The following RAB3B variants were observed in gnomAD, a reference collection of about 807,000 sequenced individuals.
The protein encoded by RAB3B is ras-related protein Rab-3B.
Under a neutral mutation model 20.5 loss-of-function variants are expected in RAB3B, and 11 were observed. That is an observed-to-expected ratio of 0.54 (90% CI 0.34 to 0.89). The LOEUF is 0.89. RAB3B is among the 40% of genes least tolerant of loss of function. RAB3B has a pLI of 0.02. For missense variants in RAB3B, 225 were observed against 280.9 expected, an observed-to-expected ratio of 0.80 and a Z score of 1.42; for synonymous variants, 99 against 106.3, an observed-to-expected ratio of 0.93 and a Z score of 0.42.
At chr1:51,985,407 C>G (rs1685139187) in intron 1 of RAB3B, among the ~76,000 whole-genome samples, 1 of 152,158 alleles carries the variant, frequency 6.6e-6, no homozygotes, top group Non-Finnish European at 1.5e-5. Context: ...GAGCATTTTT[C>G]AAGTGCCAGA....
chr1:51,968,427 G>C (rs540875115), intron 2 of RAB3B, among the ~76,000 whole-genome samples: 4 of 152,260 alleles, frequency 2.6e-5, no homozygotes, highest in Admixed American at 6.5e-5. Context: ...CCCCTAATCA[G>C]AACAAGAGAG....
rs1179144233 is a variant in RAB3B at position 51,909,131 on chromosome 1, G to C, written c.*10796C>G. On this transcript the variant is annotated 3_prime_UTR_variant, in exon 5 of 5. Transcript: ENST00000371655. ...TTCTCTGAAGCCAACCAAACCTCTA[G>C]GTGTAAGGCATGCTGGCCCTGGTAT... 6.6e-6 allele frequency: 1 copy of C among 152,108 alleles called. No individual in the cohort carries two copies. Among genetic ancestry groups the C allele is most frequent in the Non-Finnish European group, 1.5e-5 (1 of 68,036 alleles). The allele number at this position is 152,108 out of a possible 1,614,324, so 9.4% of individuals were successfully genotyped here. A position where few individuals can be genotyped will look rare whatever the true frequency, so the allele number is the denominator to read the frequency against.
At chr1:51,943,426 C>CAA (rs1684522448) in intron 2 of RAB3B, among the ~76,000 whole-genome samples, 130 of 75,114 alleles carry the variant, frequency 1.7e-3, no homozygotes, top group African/African-American at 4.9e-3. Flanking sequence ...AACAACAACA[C>CAA]CACAATGGCC....
At chr1:51,940,300 T>G (rs12022580) in intron 2 of RAB3B, among the ~76,000 whole-genome samples, 1 of 152,132 alleles carries the variant, frequency 6.6e-6, no homozygotes, top group Admixed American at 6.5e-5. Context: ...TGAGGTAATA[T>G]GTCATCAGCA....
rs1683975242 is a variant in RAB3B at position 51,910,025 on chromosome 1, T to C, written c.*9902A>G. 6.6e-6 allele frequency: 1 copy of C among 152,150 alleles called. No individual in the cohort carries two copies. Among genetic ancestry groups the C allele is most frequent in the South Asian group, 2.1e-4 (1 of 4,832 alleles). 9.4% of individuals were successfully genotyped at this position (152,150 alleles called of 1,614,324 possible). A position where few individuals can be genotyped will look rare whatever the true frequency, so the allele number is the denominator to read the frequency against. ...AGCCTTGTGAAGTAGATAGTATTACTTCATTTACATATGAAGTAACTGAGG... is the reference window on the plus strand; with the variant it reads ...AGCCTTGTGAAGTAGATAGTATTACCTCATTTACATATGAAGTAACTGAGG... On this transcript the variant is annotated 3_prime_UTR_variant, in exon 5 of 5. Coordinates refer to ENST00000371655, the MANE Select transcript of RAB3B (RefSeq NM_002867.4).
Position 51,918,004 on chromosome 1 carries a change from G to A in RAB3B, c.*1923C>T, listed in dbSNP as rs1221315567. 1 of 152,188 alleles carries A rather than the reference G, an allele frequency of 6.6e-6. No homozygotes were observed. Among genetic ancestry groups the A allele is most frequent in the Non-Finnish European group, 1.5e-5 (1 of 68,040 alleles). The allele number at this position is 152,188 out of a possible 1,614,324, so 9.4% of individuals were successfully genotyped here. ...ATTCAGGCCATGATAGAGAAGAAAG[G>A]TTTTCTGGAATCACTGCCAGTTCCA... On this transcript the variant is annotated 3_prime_UTR_variant, in exon 5 of 5. Coordinates refer to ENST00000371655, the MANE Select transcript of RAB3B (RefSeq NM_002867.4).
At chr1:51,957,635 A>G (rs1684725079) in intron 2 of RAB3B, among the ~76,000 whole-genome samples, 1 of 152,188 alleles carries the variant, frequency 6.6e-6, no homozygotes, top group African/African-American at 2.4e-5. Flanking sequence ...GTGTGTTGGT[A>G]AAGTTCTGTA....
chr1:51,964,249 G>A (rs1365094827), intron 2 of RAB3B, among the ~76,000 whole-genome samples: 1 of 152,150 alleles, frequency 6.6e-6, no homozygotes, highest in South Asian at 2.1e-4. Context: ...TCATAACCTA[G>A]CAGCCATATT....
At chr1:51,967,079 G>A (rs901981768) in intron 2 of RAB3B, among the ~76,000 whole-genome samples, 9 of 152,164 alleles carry the variant, frequency 5.9e-5, no homozygotes, top group South Asian at 2.1e-4. Flanking sequence ...TTGGGAGGCC[G>A]AGGCAGGAGG....
chr1:51,961,394 C>T (rs1410097807), intron 2 of RAB3B, among the ~76,000 whole-genome samples: 4 of 152,156 alleles, frequency 2.6e-5, no homozygotes, highest in African/African-American at 9.7e-5. Context: ...GTGACGTTGA[C>T]TCTCAACCAC....
chr1:51,912,988 C>T lies in RAB3B; in HGVS notation c.*6939G>A, dbSNP rs1015106626. On this transcript the variant is annotated 3_prime_UTR_variant, in exon 5 of 5. Transcript: ENST00000371655. Reference sequence around the variant, plus strand: ...ATCAAAGACTTGGCATCTAAAGCCTCGGGACTAGACGAGTACATCAAAGAA... The same window carrying T: ...ATCAAAGACTTGGCATCTAAAGCCTTGGGACTAGACGAGTACATCAAAGAA... The T allele has an allele frequency of 6.6e-5, 10 of 152,058 alleles. No homozygotes were observed. The highest frequency in any genetic ancestry group is 5.9e-4 in the Admixed American group (9 of 15,250). The allele number at this position is 152,058 out of a possible 1,614,324, so 9.4% of individuals were successfully genotyped here. A position where few individuals can be genotyped will look rare whatever the true frequency, so the allele number is the denominator to read the frequency against.
chr1:51,967,762 T>A (rs1386695416), intron 2 of RAB3B, among the ~76,000 whole-genome samples: 1 of 151,906 alleles, frequency 6.6e-6, no homozygotes, highest in African/African-American at 2.4e-5. Flanking sequence ...GTGATCCTCC[T>A]GCCTTGGCCT....
intron 2 of RAB3B, among the ~76,000 whole-genome samples, chr1:51,953,456 G>T (rs1375857061): frequency 6.6e-6 from 1 of 152,208 alleles, no homozygotes; most frequent in East Asian, 1.9e-4. Flanking sequence ...CAGGCCTTGT[G>T]CTGAGAAATT....
At chr1:51,939,766 G>T (rs2124259900) in intron 2 of RAB3B, among the ~76,000 whole-genome samples, 1 of 152,188 alleles carries the variant, frequency 6.6e-6, no homozygotes, top group Non-Finnish European at 1.5e-5. Flanking sequence ...GTAGAGACAA[G>T]GTCTTACTAT....
At chr1:51,971,745 T>C (rs1684939638) in intron 2 of RAB3B, among the ~76,000 whole-genome samples, 2 of 152,194 alleles carry the variant, frequency 1.3e-5, no homozygotes, top group Non-Finnish European at 2.9e-5. Context: ...CTATGTTTTT[T>C]CAATTTCATA....
At chr1:51,943,216 T>G (rs1684518122) in intron 2 of RAB3B, among the ~76,000 whole-genome samples, 1 of 152,046 alleles carries the variant, frequency 6.6e-6, no homozygotes, top group Admixed American at 6.6e-5. Context: ...AAATCCTGTC[T>G]CTACTAAAAA....
chr1:51,966,370 C>T (rs936735992), intron 2 of RAB3B, among the ~76,000 whole-genome samples: 1 of 152,220 alleles, frequency 6.6e-6, no homozygotes, highest in African/African-American at 2.4e-5. Flanking sequence ...TTTGCCCTCT[C>T]ATGACAGTGC....
intron 2 of RAB3B, among the ~76,000 whole-genome samples, chr1:51,940,495 C>G (rs957389215): frequency 6.6e-6 from 1 of 151,958 alleles, no homozygotes; most frequent in African/African-American, 2.4e-5. Context: ...TAGTGGTGTA[C>G]ACCTGTAATC....
intron 2 of RAB3B, among the ~76,000 whole-genome samples, chr1:51,951,784 A>G (rs985465991): frequency 6.6e-6 from 1 of 152,208 alleles, no homozygotes; most frequent in African/African-American, 2.4e-5. Context: ...ACTGCACTCC[A>G]GCCTGGGTGA....
Sources: gnomAD v4.1 joint callset for allele counts (sites outside exome capture counted in the v4.1 genomes callset) on GRCh38, gnomAD v4.1.1 for gene constraint, MANE v1.5 for transcripts, NCBI Gene and HGNC (gene_info 2026-07-23, HGNC 2026-07-21) for gene names.